IL1RAPL2: variants seen among roughly 807,000 people sequenced by gnomAD.
IL1RAPL2 encodes the protein interleukin 1 receptor accessory protein like 2, also known as X-linked interleukin-1 receptor accessory protein-like 2.
In IL1RAPL2, 3 loss-of-function variants were observed where a neutral mutation model predicts 44.1. The observed-to-expected ratio is 0.07, with a 90% CI of 0.03 to 0.18. The LOEUF is 0.18. Among genes scored for constraint, IL1RAPL2 ranks in the 10% least tolerant of loss-of-function variants. The probability of loss-of-function intolerance (pLI) is 1.00; values close to 1 mark genes in which losing one functional copy is unlikely to be tolerated. For missense variants in IL1RAPL2, 391 were observed against 496.4 expected, an observed-to-expected ratio of 0.79 and a Z score of 2.02; for synonymous variants, 181 against 178.8, an observed-to-expected ratio of 1.01 and a Z score of -0.10.
chrX:105,157,595 G>A (rs2033280358), intron 2 of IL1RAPL2, among the ~76,000 whole-genome samples: 1 of 112,243 alleles, frequency 8.9e-6, no homozygotes, highest in Non-Finnish European at 1.9e-5. Context: ...GTTGTGGCCA[G>A]TGGAGGTGGG....
intron 7 of IL1RAPL2, among the ~76,000 whole-genome samples, chrX:105,729,735 C>T (rs1167655294): frequency 9.1e-6 from 1 of 109,445 alleles, no homozygotes; most frequent in East Asian, 2.9e-4. Flanking sequence ...TTTTCATGGA[C>T]TACATTTTTG....
At chrX:104,856,001 T>C (rs183476935) in intron 2 of IL1RAPL2, among the ~76,000 whole-genome samples, 212 of 110,505 alleles carry the variant, frequency 1.9e-3, no homozygotes, top group African/African-American at 6.7e-3. Flanking sequence ...GAGGACAGTA[T>C]AGCATCTTAC....
intron 2 of IL1RAPL2, among the ~76,000 whole-genome samples, chrX:105,132,199 T>C (rs2033033945): frequency 9.1e-6 from 1 of 109,691 alleles, no homozygotes; most frequent in Non-Finnish European, 1.9e-5. Flanking sequence ...CATATTAGCA[T>C]AGTTGTTTTG....
intron 6 of IL1RAPL2, among the ~76,000 whole-genome samples, chrX:105,692,387 C>T (rs1033467905): frequency 3.6e-5 from 4 of 111,641 alleles, no homozygotes; most frequent in African/African-American, 1.3e-4. Flanking sequence ...TGTCAGCTAG[C>T]TATTTGGAGA....
intron 6 of IL1RAPL2, among the ~76,000 whole-genome samples, chrX:105,542,728 TTTAA>T (rs761567259): frequency 0.28 from 28,112 of 98,790 alleles, 3,694 homozygotes; most frequent in Non-Finnish European, 0.39. Context: ...TATTTATTTA[TTTAA>T]TTTATTATTT....
intron 2 of IL1RAPL2, among the ~76,000 whole-genome samples, chrX:105,190,535 A>G (rs2033624388): frequency 8.9e-6 from 1 of 112,360 alleles, no homozygotes; most frequent in South Asian, 3.7e-4. Flanking sequence ...TAGTTGAAAC[A>G]CCTGGTTTAA....
intron 4 of IL1RAPL2, among the ~76,000 whole-genome samples, chrX:105,253,139 T>C (rs1230623418): frequency 9.0e-6 from 1 of 111,537 alleles, no homozygotes; most frequent in East Asian, 2.8e-4. Flanking sequence ...ATTTAAACAT[T>C]TCTTCTTTTT....
intron 6 of IL1RAPL2, among the ~76,000 whole-genome samples, chrX:105,512,242 T>C (rs2036475699): frequency 9.0e-6 from 1 of 111,677 alleles, no homozygotes; most frequent in African/African-American, 3.2e-5. Flanking sequence ...GGTTTCTTAT[T>C]GAACTCTGGT....
chrX:105,699,444 A>T (rs1226995045), intron 6 of IL1RAPL2, among the ~76,000 whole-genome samples: 1 of 112,088 alleles, frequency 8.9e-6, no homozygotes. Context: ...GCCTTCCTAG[A>T]TCTACATTCT....
At chrX:104,839,948 C>G (rs1223143068) in intron 2 of IL1RAPL2, among the ~76,000 whole-genome samples, 2 of 111,359 alleles carry the variant, frequency 1.8e-5, no homozygotes, top group Non-Finnish European at 3.8e-5. Flanking sequence ...CTTTATTCTT[C>G]TCTCTTTTCT....
chrX:105,488,197 A>G, intron 6 of IL1RAPL2, among the ~76,000 whole-genome samples: 1 of 112,082 alleles, frequency 8.9e-6, no homozygotes, highest in East Asian at 2.8e-4. Context: ...GTCGGGACAC[A>G]CTTGACCAAT....
chrX:105,570,589 C>A (rs919655079), intron 6 of IL1RAPL2, among the ~76,000 whole-genome samples: 1 of 111,447 alleles, frequency 9.0e-6, no homozygotes, highest in African/African-American at 3.3e-5. Flanking sequence ...CCCTTTTCAC[C>A]ACATCCACAC....
intron 1 of IL1RAPL2, among the ~76,000 whole-genome samples, chrX:104,586,204 G>C (rs1928558795): frequency 9.0e-6 from 1 of 111,463 alleles, no homozygotes; most frequent in Non-Finnish European, 1.9e-5. Context: ...CAGTGATGTT[G>C]AGCTTTTTTT....
At chrX:105,182,699 T>C in intron 2 of IL1RAPL2, among the ~76,000 whole-genome samples, 1 of 112,169 alleles carries the variant, frequency 8.9e-6, no homozygotes, top group Middle Eastern at 4.6e-3. Context: ...TGTATGTGTC[T>C]TGGTCTTTTG....
intron 7 of IL1RAPL2, among the ~76,000 whole-genome samples, chrX:105,725,212 G>A (rs775460826): frequency 9.0e-6 from 1 of 111,303 alleles, no homozygotes; most frequent in African/African-American, 3.3e-5. Context: ...TTTACAAATC[G>A]CCCTATCAAT....
intron 5 of IL1RAPL2, among the ~76,000 whole-genome samples, chrX:105,340,448 A>G (rs955988451): frequency 2.7e-5 from 3 of 112,212 alleles, no homozygotes; most frequent in Non-Finnish European, 3.8e-5. Context: ...TAAACTGAGA[A>G]TAAAAGCTTA....
intron 2 of IL1RAPL2, among the ~76,000 whole-genome samples, chrX:104,976,696 A>G (rs2030341364): frequency 9.0e-6 from 1 of 110,566 alleles, no homozygotes; most frequent in Non-Finnish European, 1.9e-5. Context: ...AAGTGTTTCT[A>G]CACCAAATGC....
intron 5 of IL1RAPL2, among the ~76,000 whole-genome samples, chrX:105,460,984 T>C (rs1033049433): frequency 8.9e-6 from 1 of 112,028 alleles, no homozygotes; most frequent in Non-Finnish European, 1.9e-5. Flanking sequence ...CACAGACACT[T>C]GAGTCAGACA....
chrX:104,653,377 TC>T (rs1278407869), intron 1 of IL1RAPL2, among the ~76,000 whole-genome samples: 3 of 111,259 alleles, frequency 2.7e-5, no homozygotes, highest in African/African-American at 9.8e-5. Context: ...AGAATTAGTC[TC>T]GGTCCTCTTG....
Sources: gnomAD v4.1 joint callset for allele counts (sites outside exome capture counted in the v4.1 genomes callset) on GRCh38, gnomAD v4.1.1 for gene constraint, MANE v1.5 for transcripts, NCBI Gene and HGNC (gene_info 2026-07-23, HGNC 2026-07-21) for gene names.